The following PPARGC1A variants were observed in gnomAD, a reference collection of about 807,000 sequenced individuals.
PPARGC1A encodes peroxisome proliferator-activated receptor gamma coactivator 1-alpha.
Under a neutral mutation model 88.7 loss-of-function variants are expected in PPARGC1A, and 25 were observed. That is an observed-to-expected ratio of 0.28 (90% CI 0.21 to 0.39). The LOEUF is 0.39. Ranked by LOEUF, PPARGC1A falls within the 10% of genes least tolerant of loss-of-function variation. PPARGC1A has a pLI of 1.00. For synonymous variants in PPARGC1A, 363 were observed against 355.6 expected (o/e 1.02, Z -0.24); for missense variants, 880 against 968.7 (o/e 0.91, Z 1.22).
At chr4:23,932,731 G>C in the PPARGC1A span, among the ~76,000 whole-genome samples, 1 of 152,088 alleles carries the variant, frequency 6.6e-6, no homozygotes. Flanking sequence ...GAATTTCATG[G>C]AGAACTTAAG....
chr4:24,304,653 G>A, the PPARGC1A span, among the ~76,000 whole-genome samples: 1 of 152,128 alleles, frequency 6.6e-6, no homozygotes, highest in Non-Finnish European at 1.5e-5. Flanking sequence ...CAGTTTCAGT[G>A]TCTCACTTGG....
chr4:24,435,002 T>C, the PPARGC1A span, among the ~76,000 whole-genome samples: 1 of 152,220 alleles, frequency 6.6e-6, no homozygotes, highest in Non-Finnish European at 1.5e-5. Context: ...ATAACTTTTA[T>C]TTCCAAAGAA....
the PPARGC1A span, among the ~76,000 whole-genome samples, chr4:24,389,894 A>G: frequency 6.6e-6 from 1 of 152,186 alleles, no homozygotes; most frequent in Non-Finnish European, 1.5e-5. Flanking sequence ...GGTACAAATT[A>G]GAGAAAAAGG....
the PPARGC1A span, among the ~76,000 whole-genome samples, chr4:24,117,874 T>TG: frequency 0.043 from 6,573 of 152,102 alleles, 403 homozygotes; most frequent in African/African-American, 0.13. Context: ...TCTTATACAG[T>TG]TCCTCACAAA....
the PPARGC1A span, among the ~76,000 whole-genome samples, chr4:24,072,937 T>C: frequency 5.3e-5 from 8 of 152,336 alleles, no homozygotes; most frequent in African/African-American, 1.4e-4. Context: ...GTTATAAATC[T>C]GAATATGAGG....
the PPARGC1A span, among the ~76,000 whole-genome samples, chr4:24,269,143 T>C: frequency 1.3e-5 from 2 of 152,232 alleles, no homozygotes; most frequent in South Asian, 2.1e-4. Flanking sequence ...CAGGAAGTAA[T>C]CTTTCTGGAT....
At chr4:24,028,474 C>A in the PPARGC1A span, among the ~76,000 whole-genome samples, 2 of 152,116 alleles carry the variant, frequency 1.3e-5, no homozygotes, top group Non-Finnish European at 2.9e-5. Flanking sequence ...GAGGAGATGT[C>A]ATTTAATCCT....
At chr4:24,391,872 A>AT in the PPARGC1A span, among the ~76,000 whole-genome samples, 1 of 152,132 alleles carries the variant, frequency 6.6e-6, no homozygotes, top group Non-Finnish European at 1.5e-5. Context: ...TGAGTAGTAA[A>AT]TTGCTTTCAA....
At chr4:24,005,008 T>C in the PPARGC1A span, among the ~76,000 whole-genome samples, 1 of 152,166 alleles carries the variant, frequency 6.6e-6, no homozygotes, top group Non-Finnish European at 1.5e-5. Context: ...AAAGGATTTA[T>C]GACTTGGAAA....
At chr4:24,114,350 AG>A in the PPARGC1A span, among the ~76,000 whole-genome samples, 1 of 152,216 alleles carries the variant, frequency 6.6e-6, no homozygotes, top group East Asian at 1.9e-4. Flanking sequence ...AGCTACAGAA[AG>A]GATGGTAATG....
chr4:23,821,363 T>C (rs953239422), intron 7 of PPARGC1A, among the ~76,000 whole-genome samples: 3 of 152,234 alleles, frequency 2.0e-5, no homozygotes, highest in Admixed American at 6.6e-5. Flanking sequence ...ATTGTAGTCA[T>C]AGAAGTAGCT....
the PPARGC1A span, among the ~76,000 whole-genome samples, chr4:24,421,733 C>T: frequency 3.9e-5 from 6 of 152,202 alleles, no homozygotes; most frequent in Non-Finnish European, 5.9e-5. Context: ...AGCATTCTTT[C>T]AAGACATCTA....
chr4:24,350,414 T>G, the PPARGC1A span, among the ~76,000 whole-genome samples: 2 of 152,192 alleles, frequency 1.3e-5, no homozygotes, highest in African/African-American at 4.8e-5. Context: ...CCAAATGGTA[T>G]GCAGATTTCA....
the PPARGC1A span, among the ~76,000 whole-genome samples, chr4:24,284,540 A>C: frequency 6.6e-6 from 1 of 152,320 alleles, no homozygotes; most frequent in South Asian, 2.1e-4. Flanking sequence ...GGGGCAGTAC[A>C]GTGTCAAGTC....
At chr4:24,314,190 G>A in the PPARGC1A span, among the ~76,000 whole-genome samples, 1 of 152,322 alleles carries the variant, frequency 6.6e-6, no homozygotes, top group African/African-American at 2.4e-5. Context: ...CAGTCATGTG[G>A]AACTAGGAAC....
At chr4:24,467,245 A>G in the PPARGC1A span, among the ~76,000 whole-genome samples, 8 of 152,190 alleles carry the variant, frequency 5.3e-5, no homozygotes, top group Admixed American at 2.6e-4. Flanking sequence ...GGAGAAACCC[A>G]AAGTCAGAAA....
At chr4:24,064,727 T>C in the PPARGC1A span, among the ~76,000 whole-genome samples, 2 of 152,196 alleles carry the variant, frequency 1.3e-5, no homozygotes, top group Non-Finnish European at 2.9e-5. Flanking sequence ...ATTTTTCATC[T>C]ACCTGAAGAC....
At chr4:24,246,531 C>T in the PPARGC1A span, among the ~76,000 whole-genome samples, 1 of 152,136 alleles carries the variant, frequency 6.6e-6, no homozygotes, top group Non-Finnish European at 1.5e-5. Context: ...GGGAGGATCG[C>T]TTAAGCCTGG....
the PPARGC1A span, among the ~76,000 whole-genome samples, chr4:24,247,983 C>T: frequency 6.6e-6 from 1 of 152,086 alleles, no homozygotes; most frequent in Non-Finnish European, 1.5e-5. Flanking sequence ...CAAAAGATAT[C>T]TGTGGCATTA....
Sources: gnomAD v4.1 joint callset for allele counts (sites outside exome capture counted in the v4.1 genomes callset) on GRCh38, gnomAD v4.1.1 for gene constraint, MANE v1.5 for transcripts, NCBI Gene and HGNC (gene_info 2026-07-23, HGNC 2026-07-21) for gene names.